Variants in ANKRD31 observed in about 807,000 individuals in gnomAD.
The protein encoded by ANKRD31 is ankyrin repeat domain 31.
A neutral mutation model predicts 186.0 loss-of-function variants in ANKRD31; 147 were observed. That is an observed-to-expected ratio of 0.79 (90% CI 0.69 to 0.91). ANKRD31 has a LOEUF of 0.91. Ranked by LOEUF, ANKRD31 falls within the 40% of genes least tolerant of loss-of-function variation. The probability of loss-of-function intolerance (pLI) is 0.00; values close to 1 mark genes in which losing one functional copy is unlikely to be tolerated. For synonymous variants in ANKRD31, 673 were observed against 736.4 expected, an observed-to-expected ratio of 0.91 and a Z score of 1.39; for missense variants, 1,986 against 2,148.8, an observed-to-expected ratio of 0.92 and a Z score of 1.50.
At chr5:75,170,921 C>T (rs1753267934) in intron 10 of ANKRD31, among the ~76,000 whole-genome samples, 1 of 151,984 alleles carries the variant, frequency 6.6e-6, no homozygotes, top group South Asian at 2.1e-4. Flanking sequence ...GCTAATTTAT[C>T]ACAAGACATG....
At chr5:75,079,945 A>C (rs1744956963) in intron 25 of ANKRD31, among the ~76,000 whole-genome samples, 1 of 152,132 alleles carries the variant, frequency 6.6e-6, no homozygotes, top group African/African-American at 2.4e-5. Flanking sequence ...TCTACAAAAA[A>C]AAATTAGCTG....
intron 22 of ANKRD31, among the ~76,000 whole-genome samples, chr5:75,099,179 T>C (rs186935797): frequency 3.8e-3 from 580 of 152,354 alleles, no homozygotes; most frequent in African/African-American, 0.013. Flanking sequence ...TCTGCATCTA[T>C]TGAGATAATC....
rs1561466511 is a variant in ANKRD31 at position 75,138,013 on chromosome 5, A to G, written c.3734-15T>C. ...TGGTGTCCAACCTAAAAAAAGAAAA[A>G]GAAAAAAAAAAACCCTGCTTCATGC... On this transcript the variant is annotated splice_polypyrimidine_tract_variant and intron_variant, in intron 16 of 25. Coordinates refer to ENST00000506364, the MANE Select transcript of ANKRD31 (RefSeq NM_001372053.1). 1.4e-6 allele frequency: 2 copies of G among 1,398,372 alleles called. No homozygotes were observed. The highest frequency in any genetic ancestry group is 3.8e-4 in the Middle Eastern group (2 of 5,302). The allele number at this position is 1,398,372 out of a possible 1,614,324, so 86.6% of individuals were successfully genotyped here.
chr5:75,175,807 C>T (rs971132302), intron 10 of ANKRD31, among the ~76,000 whole-genome samples: 5 of 152,050 alleles, frequency 3.3e-5, no homozygotes, highest in African/African-American at 4.8e-5. Flanking sequence ...CCAGCGTGAG[C>T]GATGCAGAAG....
At chr5:75,229,614 C>A (rs1463738378) in intron 2 of ANKRD31, among the ~76,000 whole-genome samples, 1 of 152,090 alleles carries the variant, frequency 6.6e-6, no homozygotes, top group Non-Finnish European at 1.5e-5. Flanking sequence ...TACCTGTAAT[C>A]CCAGCACTTT....
chr5:75,212,455 C>A (rs1009407652), intron 3 of ANKRD31, among the ~76,000 whole-genome samples: 1 of 151,956 alleles, frequency 6.6e-6, no homozygotes, highest in Non-Finnish European at 1.5e-5. Flanking sequence ...TCTACAAAAA[C>A]AAAAACAACA....
Position 75,207,575 on chromosome 5 carries a change from T to C in ANKRD31, c.327-1088A>G, listed in dbSNP as rs555405435. 3.9e-5 allele frequency among the ~76,000 whole-genome samples: 6 copies of C among 152,180 alleles called. No homozygotes were observed. The South Asian group carries it at 1.2e-3, about 32-fold the overall frequency. ...AATACAATAAGGTATTATAAGGTCA[T>C]CAAAATTCACATTTTTAAAAACATT... On this transcript the variant is annotated intron_variant, in intron 4 of 25. Coordinates refer to ENST00000506364, the MANE Select transcript of ANKRD31 (RefSeq NM_001372053.1).
chr5:75,072,122 C>T lies in ANKRD31; in HGVS notation c.5648-3458G>A, dbSNP rs1744283168. On this transcript the variant is annotated intron_variant, in intron 25 of 25. Coordinates refer to ENST00000506364, the MANE Select transcript of ANKRD31 (RefSeq NM_001372053.1). ...ATTGACATTAACTATTATTTTATAGCTTCCTAAAAAGGACTTTTGGCAGAG... is the reference window on the plus strand; with the variant it reads ...ATTGACATTAACTATTATTTTATAGTTTCCTAAAAAGGACTTTTGGCAGAG... 2.0e-5 allele frequency among the ~76,000 whole-genome samples: 3 copies of T among 152,338 alleles called. No individual in the cohort carries two copies. In the South Asian group the frequency reaches 6.2e-4, roughly 32 times the overall value.
intron 10 of ANKRD31, among the ~76,000 whole-genome samples, chr5:75,184,756 T>G (rs1754584242): frequency 6.6e-6 from 1 of 152,124 alleles, no homozygotes; most frequent in Non-Finnish European, 1.5e-5. Flanking sequence ...CCTTTACGCT[T>G]TTGGTGGGAA....
chr5:75,115,470 C>T (rs1748146583), intron 19 of ANKRD31, among the ~76,000 whole-genome samples: 1 of 151,598 alleles, frequency 6.6e-6, no homozygotes. Flanking sequence ...AGTGAACAGG[C>T]AACCTACAAA....
At chr5:75,151,978 T>A (rs940597044) in intron 12 of ANKRD31, among the ~76,000 whole-genome samples, 2 of 151,978 alleles carry the variant, frequency 1.3e-5, no homozygotes. Flanking sequence ...CCTGATACAA[T>A]GAATGAATGA....
At chr5:75,183,775 A>G (rs1218645025) in intron 10 of ANKRD31, among the ~76,000 whole-genome samples, 2 of 152,170 alleles carry the variant, frequency 1.3e-5, no homozygotes, top group Non-Finnish European at 2.9e-5. Context: ...ACATATAAAT[A>G]TAAGTGTATC....
chr5:75,206,024 C>T (rs978171500), intron 5 of ANKRD31, among the ~76,000 whole-genome samples: 4 of 151,320 alleles, frequency 2.6e-5, no homozygotes, highest in Admixed American at 6.6e-5. Flanking sequence ...AGCTGCTACT[C>T]CCATAGGTAA....
intron 10 of ANKRD31, among the ~76,000 whole-genome samples, chr5:75,187,110 T>TTTTGTGTGTG (rs367871687): frequency 1.6e-4 from 19 of 116,254 alleles, no homozygotes; most frequent in South Asian, 9.6e-4. Flanking sequence ...TGATTCTGTT[T>TTTTGTGTGTG]TGTGTGTGTG....
At chr5:75,078,099 A>G (rs1744807451) in intron 25 of ANKRD31, among the ~76,000 whole-genome samples, 1 of 152,158 alleles carries the variant, frequency 6.6e-6, no homozygotes, top group Non-Finnish European at 1.5e-5. Context: ...TTAGGTTAAA[A>G]GAGTGTTAAT....
intron 1 of ANKRD31, among the ~76,000 whole-genome samples, chr5:75,233,425 AT>A (rs1430418555): frequency 6.6e-6 from 1 of 152,034 alleles, no homozygotes; most frequent in Non-Finnish European, 1.5e-5. Context: ...CATAAAACTT[AT>A]TTTAAATTTA....
intron 22 of ANKRD31, among the ~76,000 whole-genome samples, chr5:75,092,524 A>C (rs987097308): frequency 1.3e-5 from 2 of 152,160 alleles, no homozygotes; most frequent in African/African-American, 2.4e-5. Context: ...CCAAGGCTTT[A>C]GTCCCTGAGG....
chr5:75,087,309 T>C (rs1354052320), intron 23 of ANKRD31, among the ~76,000 whole-genome samples: 1 of 151,938 alleles, frequency 6.6e-6, no homozygotes, highest in Non-Finnish European at 1.5e-5. Flanking sequence ...GTCAGGAGTT[T>C]GAGCCTGGTC....
intron 10 of ANKRD31, among the ~76,000 whole-genome samples, chr5:75,187,022 AGTGTGTGT>A (rs10624220): frequency 3.6e-4 from 52 of 142,720 alleles, no homozygotes; most frequent in Middle Eastern, 3.6e-3. Context: ...TGAGACACAG[AGTGTGTGT>A]GTGTGTGTGT....
Sources: allele counts gnomAD v4.1 joint callset (sites outside exome capture counted in the v4.1 genomes callset), GRCh38; gene constraint gnomAD v4.1.1; transcripts MANE v1.5; gene names NCBI Gene and HGNC (gene_info 2026-07-23, HGNC 2026-07-21).